Variants in HMG20A observed in about 807,000 individuals in gnomAD.
The protein encoded by HMG20A is high mobility group 20A.
A neutral mutation model predicts 43.9 loss-of-function variants in HMG20A; 17 were observed. The observed-to-expected ratio is 0.39, with a 90% CI of 0.27 to 0.58. The LOEUF is 0.58. HMG20A is among the 20% of genes least tolerant of loss of function. The probability of loss-of-function intolerance (pLI) is 0.59; values close to 1 mark genes in which losing one functional copy is unlikely to be tolerated. For missense variants in HMG20A, 341 were observed against 438.2 expected (o/e 0.78, Z 1.98); for synonymous variants, 132 against 147.5 (o/e 0.89, Z 0.76).
At chr15:77,518,752 C>T in the HMG20A span, among the ~76,000 whole-genome samples, 35 of 152,196 alleles carry the variant, frequency 2.3e-4, no homozygotes, top group African/African-American at 8.2e-4. Flanking sequence ...TCATTCCCAT[C>T]TCAGAACAGT....
chr15:77,502,535 C>T, the HMG20A span, among the ~76,000 whole-genome samples: 1 of 152,228 alleles, frequency 6.6e-6, no homozygotes, highest in African/African-American at 2.4e-5. Context: ...CCACCCAAGG[C>T]CTTAGATGAC....
the HMG20A span, among the ~76,000 whole-genome samples, chr15:77,497,682 A>AGAGTGT: frequency 1.8e-4 from 21 of 119,084 alleles, no homozygotes; most frequent in East Asian, 1.5e-3. Flanking sequence ...AGAGAGAGAG[A>AGAGTGT]GTGTGTGTGT....
At chr15:77,451,197 A>G (rs927070590) in intron 1 of HMG20A, among the ~76,000 whole-genome samples, 7 of 152,234 alleles carry the variant, frequency 4.6e-5, no homozygotes, top group Admixed American at 4.6e-4. Flanking sequence ...AAGTTTTGGC[A>G]ATTATGAATA....
the HMG20A span, among the ~76,000 whole-genome samples, chr15:77,510,876 T>C: frequency 6.6e-6 from 1 of 152,252 alleles, no homozygotes; most frequent in Non-Finnish European, 1.5e-5. Context: ...GGAAATGCGC[T>C]GAGGCCATCT....
chr15:77,490,325 G>C (rs1440045033), downstream of HMG20A, among the ~76,000 whole-genome samples: 1 of 152,084 alleles, frequency 6.6e-6, no homozygotes, highest in African/African-American at 2.4e-5. Context: ...GGGTCACTCT[G>C]GCTGCTGTAT....
At chr15:77,517,036 T>G in the HMG20A span, among the ~76,000 whole-genome samples, 1 of 152,158 alleles carries the variant, frequency 6.6e-6, no homozygotes, top group African/African-American at 2.4e-5. Flanking sequence ...GAGCCAGTCT[T>G]GGCACCTGGA....
the HMG20A span, among the ~76,000 whole-genome samples, chr15:77,517,456 G>A: frequency 6.6e-6 from 1 of 151,612 alleles, no homozygotes; most frequent in Non-Finnish European, 1.5e-5. Flanking sequence ...TGAGAATATT[G>A]CTTCACAAAT....
intron 1 of HMG20A, among the ~76,000 whole-genome samples, chr15:77,443,366 TGATGATG>T (rs2073634870): frequency 7.8e-6 from 1 of 128,280 alleles, no homozygotes; most frequent in Non-Finnish European, 1.7e-5. Context: ...ATGATGATGA[TGATGATG>T]ATGATGATTA....
At chr15:77,440,553 C>T (rs1342975785) in intron 1 of HMG20A, among the ~76,000 whole-genome samples, 4 of 152,162 alleles carry the variant, frequency 2.6e-5, no homozygotes, top group East Asian at 1.9e-4. Flanking sequence ...TCTTTTCTCA[C>T]TTATGCTATT....
At chr15:77,432,041 T>C (rs554126705) in intron 1 of HMG20A, among the ~76,000 whole-genome samples, 12 of 152,378 alleles carry the variant, frequency 7.9e-5, no homozygotes, top group Admixed American at 3.3e-4. Context: ...TGATGGATAC[T>C]GAGGCTGATT....
downstream of HMG20A, among the ~76,000 whole-genome samples, chr15:77,487,265 C>T (rs894459327): frequency 1.3e-5 from 2 of 152,196 alleles, no homozygotes; most frequent in African/African-American, 2.4e-5. Flanking sequence ...ATGGACGTCA[C>T]TGTGCCCAAC....
the HMG20A span, among the ~76,000 whole-genome samples, chr15:77,493,303 AATG>A: frequency 5.9e-5 from 9 of 152,138 alleles, no homozygotes; most frequent in African/African-American, 2.2e-4. Flanking sequence ...TGACACTTAA[AATG>A]AAAAACCAGT....
the HMG20A span, among the ~76,000 whole-genome samples, chr15:77,518,900 A>G: frequency 6.6e-6 from 1 of 152,230 alleles, no homozygotes; most frequent in South Asian, 2.1e-4. Context: ...ACTATCTGGC[A>G]TCCTAAGTAC....
chr15:77,445,199 G>A (rs985095344), intron 1 of HMG20A, among the ~76,000 whole-genome samples: 1 of 152,188 alleles, frequency 6.6e-6, no homozygotes, highest in Non-Finnish European at 1.5e-5. Context: ...TTTATTGCCT[G>A]TAAAAGGAAG....
In HMG20A at chr15:77,472,482, G is replaced by A. The variant is rs184014082; in HGVS notation, c.615+668G>A. Reference sequence around the variant, plus strand: ...GTAGAGACAGGGTTTCATCATATGAGCCAGGATGGTCTCGATCTCCTGACC... The same window carrying A: ...GTAGAGACAGGGTTTCATCATATGAACCAGGATGGTCTCGATCTCCTGACC... On this transcript the variant is annotated intron_variant, in intron 6 of 9. Transcript: ENST00000336216. Among the ~76,000 whole-genome samples the A allele has an allele frequency of 5.3e-5, 8 of 152,298 alleles. No homozygotes were observed. In the East Asian group the frequency reaches 1.5e-3, roughly 29 times the overall value.
At chr15:77,515,203 A>AGTGGC in the HMG20A span, among the ~76,000 whole-genome samples, 1 of 152,032 alleles carries the variant, frequency 6.6e-6, no homozygotes, top group Non-Finnish European at 1.5e-5. Context: ...AAATGAGGGG[A>AGTGGC]GTGGCCAGTG....
intron 2 of HMG20A, 129 bp from the exon 3 acceptor site, chr15:77,464,111 C>A: frequency 1.9e-6 from 2 of 1,055,274 alleles, no homozygotes; most frequent in South Asian, 3.2e-5. Flanking sequence ...ACGTTGTTTA[C>A]ATTTATACAG....
intron 1 of HMG20A, among the ~76,000 whole-genome samples, chr15:77,428,310 G>A (rs2073447152): frequency 1.3e-5 from 2 of 152,160 alleles, no homozygotes; most frequent in South Asian, 4.1e-4. Context: ...CGGCCTTTGG[G>A]TATACCCAGT....
At chr15:77,427,079 A>G (rs563443046) in intron 1 of HMG20A, among the ~76,000 whole-genome samples, 1 of 152,270 alleles carries the variant, frequency 6.6e-6, no homozygotes, top group Non-Finnish European at 1.5e-5. Context: ...AGCTGAGTTT[A>G]AAGAGTGGGA....
Sources: gnomAD v4.1 joint callset for allele counts (sites outside exome capture counted in the v4.1 genomes callset) on GRCh38, gnomAD v4.1.1 for gene constraint, MANE v1.5 for transcripts, NCBI Gene and HGNC (gene_info 2026-07-23, HGNC 2026-07-21) for gene names.